MYOM2: variants seen among roughly 807,000 people sequenced by gnomAD.
MYOM2 encodes myomesin 2.
In MYOM2, 254 loss-of-function variants were observed where a neutral mutation model predicts 187.6. The observed-to-expected ratio is 1.35, with a 90% CI of 1.22 to 1.50. The LOEUF is 1.50. Among genes scored for constraint, MYOM2 ranks in the 40% most tolerant of loss-of-function variants. The pLI, the probability that MYOM2 is intolerant of heterozygous loss-of-function variation, is 0.00. For missense variants in MYOM2, 2,796 were observed against 1,924.0 expected (o/e 1.45, Z -8.48); for synonymous variants, 981 against 753.8 (o/e 1.30, Z -4.94).
chr8:2,051,673 G>C (rs549184137), intron 2 of MYOM2, among the ~76,000 whole-genome samples: 121 of 152,306 alleles, frequency 7.9e-4, no homozygotes, highest in Middle Eastern at 3.4e-3. Flanking sequence ...TCCTGGCGTG[G>C]AGCCAGAAAG....
In MYOM2 at chr8:2,060,474, A is replaced by T. The variant is rs553147987; in HGVS notation, c.653+1229A>T. Among the ~76,000 whole-genome samples, 9 of 152,224 alleles carry T rather than the reference A, an allele frequency of 5.9e-5. No individual in the cohort carries two copies. The East Asian group carries it at 1.7e-3, about 29-fold the overall frequency. On this transcript the variant is annotated intron_variant, in intron 6 of 36. Transcript: ENST00000262113. ...TGTGCTTGTGTGTGTAGTCAGTTAT[A>T]TCAAATCCCTTCTAGGAAAACATGA... is the stretch of plus-strand genomic sequence containing the variant.
chr8:2,069,107 G>C (rs762585140), intron 6 of MYOM2, among the ~76,000 whole-genome samples, 171 bp from the exon 7 acceptor site: 5 of 152,196 alleles, frequency 3.3e-5, no homozygotes, highest in African/African-American at 7.2e-5. Flanking sequence ...TTAATACCGA[G>C]TGCTGCCTCA....
chr8:2,072,659 T>A, intron 9 of MYOM2, 150 bp downstream of exon 9: 8 of 1,033,344 alleles, frequency 7.7e-6, no homozygotes, highest in Non-Finnish European at 1.1e-5. Flanking sequence ...GAGGACTTGG[T>A]GGCCCACCGT....
At position 2,090,205 on chromosome 8, in the gene MYOM2, C is replaced by T; in HGVS notation, c.1828+14C>T. The T allele has an allele frequency of 6.2e-6, 10 of 1,607,228 alleles. No individual in the cohort carries two copies. The highest frequency in any genetic ancestry group is 8.5e-6 in the Non-Finnish European group (10 of 1,174,800). ...AGGATGTGACCGGTGAGCTGTCACA[C>T]TGGGTGGCCCCAAGTCAGGATGGAC... On this transcript the variant is annotated intron_variant, in intron 15 of 36. Coordinates refer to ENST00000262113, the MANE Select transcript of MYOM2 (RefSeq NM_003970.4).
intron 32 of MYOM2, among the ~76,000 whole-genome samples, chr8:2,140,187 C>T (rs1798224547): frequency 6.6e-6 from 1 of 152,168 alleles, no homozygotes. Context: ...TTATTTTACT[C>T]AGCAAAATGT....
chr8:2,117,758 A>G, intron 27 of MYOM2, 127 bp from the exon 28 acceptor site: 1 of 554,428 alleles, frequency 1.8e-6, no homozygotes, highest in Non-Finnish European at 3.0e-6. Flanking sequence ...AAATATATAT[A>G]ATACATTCTT....
In MYOM2 at chr8:2,110,227, G is replaced by C. The variant is rs573853694; in HGVS notation, c.3180+696G>C. ...AGTTCCAGCTACTTAGGAGGCTGAT[G>C]TGGGAGGATCACTGGAGCCTGAGAG... On this transcript the variant is annotated intron_variant, in intron 25 of 36. Transcript: ENST00000262113. Among the ~76,000 whole-genome samples the C allele has an allele frequency of 4.6e-5, 7 of 152,330 alleles. No individual in the cohort carries two copies. In the South Asian group the frequency reaches 1.4e-3, roughly 32 times the overall value.
At chr8:2,074,398 T>A (rs1205840696) in intron 10 of MYOM2, among the ~76,000 whole-genome samples, 1 of 152,136 alleles carries the variant, frequency 6.6e-6, no homozygotes, top group African/African-American at 2.4e-5. Context: ...AACTTTGTAG[T>A]GTTTTTGGCA....
intron 14 of MYOM2, among the ~76,000 whole-genome samples, chr8:2,086,443 CTACTGTCGTGATCTCCACGTGGCCACA>C (rs1388504920): frequency 3.1e-4 from 42 of 137,144 alleles, no homozygotes; most frequent in African/African-American, 7.4e-4. Flanking sequence ...GCGTGGCCCC[CTACTGTCGTGATCTCCACGTGGCCACA>C]CACTGTCATG....
intron 32 of MYOM2, among the ~76,000 whole-genome samples, chr8:2,133,455 G>A (rs756888247): frequency 3.9e-4 from 59 of 152,230 alleles, no homozygotes; most frequent in Middle Eastern, 3.4e-3. Flanking sequence ...CTGTTCTTGT[G>A]CTTCCATCTA....
intron 25 of MYOM2, among the ~76,000 whole-genome samples, chr8:2,111,632 G>A (rs182917127): frequency 1.3e-5 from 2 of 152,300 alleles, no homozygotes; most frequent in East Asian, 1.9e-4. Context: ...CAAGGTCCAC[G>A]GGACGGTGTA....
rs1321021026 is a variant in MYOM2, at chr8:2,144,843, C to A, written c.4260C>A (p.Ile1420=). The change falls in exon 37 of 37, where the codon ATC becomes ATA. Residue 1420 remains isoleucine, a synonymous_variant. Transcript: ENST00000262113. Reference sequence around the variant, plus strand: ...ACTCGGGCAAGTACAGCATCAACATCAAGAATAAGTATGGCGGGGAGAAGA... The same window carrying A: ...ACTCGGGCAAGTACAGCATCAACATAAAGAATAAGTATGGCGGGGAGAAGA... The part of the protein sequence containing the change: ...SEDSGKYSIN[I]KNKYGGEKID... 1 of 1,614,192 alleles carries A rather than the reference C, an allele frequency of 6.2e-7. No homozygotes were observed. Among genetic ancestry groups the A allele is most frequent in the East Asian group, 2.2e-5 (1 of 44,868 alleles).
At chr8:2,131,698 C>T (rs2116889152) in intron 32 of MYOM2, among the ~76,000 whole-genome samples, 1 of 144,120 alleles carries the variant, frequency 6.9e-6, no homozygotes, top group African/African-American at 2.6e-5. Flanking sequence ...GGCTGGAGTG[C>T]AGTGGTGCGA....
intron 2 of MYOM2, among the ~76,000 whole-genome samples, chr8:2,051,132 G>A (rs1022968104): frequency 8.5e-5 from 13 of 152,184 alleles, no homozygotes; most frequent in African/African-American, 1.9e-4. Context: ...GTATGAGCTC[G>A]TTGATTTTAC....
At chr8:2,124,690 G>C (rs28418592) in intron 31 of MYOM2, among the ~76,000 whole-genome samples, 24 of 151,836 alleles carry the variant, frequency 1.6e-4, no homozygotes, top group Admixed American at 9.2e-4. Context: ...CTTTTCTATA[G>C]TGGCTATATT....
In MYOM2 at chr8:2,072,412, C is replaced by T. The variant is rs770811871; in HGVS notation, c.861C>T (p.Thr287=). The change falls in exon 9 of 37, where the codon ACC becomes ACT. Residue 287 remains threonine (T), a synonymous_variant. Transcript: ENST00000262113. ...DVQFLEKFGV[T]FRREGETVTL... is the part of the protein sequence containing the mutation. Reference sequence around the variant, plus strand: ...AGTTTTTGGAGAAGTTTGGGGTCACCTTCAGGAGGGAAGGCGAGACGGTCA... The same window carrying T: ...AGTTTTTGGAGAAGTTTGGGGTCACTTTCAGGAGGGAAGGCGAGACGGTCA... 9 of 1,614,186 alleles carry T rather than the reference C, an allele frequency of 5.6e-6. No homozygotes were observed. Among genetic ancestry groups the T allele is most frequent in the South Asian group, 1.1e-5 (1 of 91,082 alleles).
chr8:2,080,586 A>G (rs1329012369), intron 13 of MYOM2, among the ~76,000 whole-genome samples: 2 of 152,250 alleles, frequency 1.3e-5, no homozygotes, highest in Non-Finnish European at 2.9e-5. Context: ...GACACTCAAT[A>G]CATAAGGAAT....
chr8:2,090,216 C>T (rs1159821338), intron 15 of MYOM2, 25 bp downstream of exon 15: 2 of 1,604,034 alleles, frequency 1.2e-6, no homozygotes, highest in African/African-American at 2.7e-5. Flanking sequence ...TGGGTGGCCC[C>T]AAGTCAGGAT....
Position 2,102,720 on chromosome 8 carries a change from T to G in MYOM2, c.2673T>G (p.Asn891Lys). The G allele has an allele frequency of 1.2e-6, 2 of 1,614,128 alleles. No individual in the cohort carries two copies. The highest frequency in any genetic ancestry group is 2.2e-5 in the South Asian group (2 of 91,082). ...KTYVFRVRAV[N>K]ANGVGKPSDT... is the part of the protein sequence containing the mutation. Reference sequence around the variant, plus strand: ...ATGTCTTCAGGGTCCGGGCAGTCAATGCAAATGGCGTGGGGAAGCCCTCAG... The same window carrying G: ...ATGTCTTCAGGGTCCGGGCAGTCAAGGCAAATGGCGTGGGGAAGCCCTCAG... Residue 891 changes from asparagine to lysine, a missense_variant, in exon 21 of 37, where the codon AAT (asparagine) becomes AAG (lysine). Asn to Lys is a moderately conservative substitution (Grantham distance 94). Transcript: ENST00000262113.
Sources: allele counts gnomAD v4.1 joint callset (sites outside exome capture counted in the v4.1 genomes callset), GRCh38; gene constraint gnomAD v4.1.1; transcripts MANE v1.5; gene names NCBI Gene and HGNC (gene_info 2026-07-23, HGNC 2026-07-21).